Variants in KLHL1 observed in about 807,000 individuals in gnomAD.
KLHL1 encodes the protein kelch-like protein 1.
In KLHL1, 47 loss-of-function variants were observed where a neutral mutation model predicts 77.7. The observed-to-expected ratio is 0.60, with a 90% CI of 0.48 to 0.77. KLHL1 has a LOEUF of 0.77. Among genes scored for constraint, KLHL1 ranks in the 30% least tolerant of loss-of-function variants. The pLI, the probability that KLHL1 is intolerant of heterozygous loss-of-function variation, is 0.00. For synonymous variants in KLHL1, 360 were observed against 325.2 expected, an observed-to-expected ratio of 1.11 and a Z score of -1.15; for missense variants, 925 against 910.8, an observed-to-expected ratio of 1.02 and a Z score of -0.20.
chr13:69,817,679 T>C (rs548190121), intron 6 of KLHL1, among the ~76,000 whole-genome samples: 22 of 152,320 alleles, frequency 1.4e-4, no homozygotes, highest in Non-Finnish European at 3.1e-4. Flanking sequence ...AAATATATGC[T>C]AAACACACTC....
intron 6 of KLHL1, among the ~76,000 whole-genome samples, chr13:69,825,113 G>T (rs1166303153): frequency 1.3e-5 from 2 of 152,084 alleles, no homozygotes; most frequent in Non-Finnish European, 2.9e-5. Flanking sequence ...TTAACTGTAT[G>T]ATTGTTTCTC....
At chr13:70,035,884 T>C (rs894179054) in intron 1 of KLHL1, among the ~76,000 whole-genome samples, 6 of 152,004 alleles carry the variant, frequency 3.9e-5, no homozygotes, top group Admixed American at 6.6e-5. Flanking sequence ...TCTATAGATG[T>C]AGAAATAAAA....
intron 7 of KLHL1, among the ~76,000 whole-genome samples, chr13:69,766,546 G>A (rs1875313242): frequency 6.6e-6 from 1 of 151,518 alleles, no homozygotes; most frequent in African/African-American, 2.4e-5. Flanking sequence ...AAATAATAAT[G>A]ATACTTCAGT....
chr13:69,719,038 C>A (rs1265363846), intron 9 of KLHL1, among the ~76,000 whole-genome samples: 1 of 151,936 alleles, frequency 6.6e-6, no homozygotes, highest in East Asian at 1.9e-4. Flanking sequence ...CTCAAAACTT[C>A]ATTTTAATGT....
chr13:69,932,406 T>C (rs1883030934), intron 4 of KLHL1, among the ~76,000 whole-genome samples: 1 of 151,844 alleles, frequency 6.6e-6, no homozygotes, highest in African/African-American at 2.4e-5. Flanking sequence ...TTCTTCCTTC[T>C]GACATATCAT....
chr13:69,760,828 A>T (rs560196725), intron 7 of KLHL1, among the ~76,000 whole-genome samples: 1 of 152,298 alleles, frequency 6.6e-6, no homozygotes, highest in South Asian at 2.1e-4. Flanking sequence ...TGCACTTTTT[A>T]AAATACAATA....
chr13:70,070,018 AT>A (rs1258331830), intron 1 of KLHL1, among the ~76,000 whole-genome samples: 1 of 151,874 alleles, frequency 6.6e-6, no homozygotes, highest in African/African-American at 2.4e-5. Flanking sequence ...AACACAAAAA[AT>A]TAGCTGGGTG....
intron 7 of KLHL1, among the ~76,000 whole-genome samples, chr13:69,755,051 A>C (rs1216569090): frequency 2.0e-5 from 3 of 152,068 alleles, no homozygotes; most frequent in Non-Finnish European, 2.9e-5. Context: ...TATGTCCTCC[A>C]AATCTTATGT....
chr13:69,709,056 G>C (rs973978943), intron 9 of KLHL1, among the ~76,000 whole-genome samples: 2 of 152,032 alleles, frequency 1.3e-5, no homozygotes, highest in Non-Finnish European at 2.9e-5. Context: ...TGCACACTGT[G>C]GTTGGGGGGT....
intron 6 of KLHL1, among the ~76,000 whole-genome samples, chr13:69,813,800 A>G (rs1260308980): frequency 6.6e-6 from 1 of 152,238 alleles, no homozygotes; most frequent in Non-Finnish European, 1.5e-5. Context: ...AAGAATCAAT[A>G]TCATTAAAAT....
rs1465947263 is a variant in KLHL1 at position 69,850,625 on chromosome 13, T to C, written c.1228-11463A>G. Among the ~76,000 whole-genome samples, 5 of 151,806 alleles carry C rather than the reference T, an allele frequency of 3.3e-5. 1 individual carries two copies. Among genetic ancestry groups the C allele is most frequent in the South Asian group, 4.1e-4 (2 of 4,832 alleles). ...CACTTTTCCAAATTTTTGAGAAAGATCCATCACTTAAATTCTTATCTTTGA... is the reference window on the plus strand; with the variant it reads ...CACTTTTCCAAATTTTTGAGAAAGACCCATCACTTAAATTCTTATCTTTGA... On this transcript the variant is annotated intron_variant, in intron 5 of 10. Coordinates refer to ENST00000377844, the MANE Select transcript of KLHL1 (RefSeq NM_020866.3).
chr13:70,027,063 G>A (rs1279268697), intron 1 of KLHL1, among the ~76,000 whole-genome samples: 3 of 152,020 alleles, frequency 2.0e-5, no homozygotes, highest in Admixed American at 2.0e-4. Context: ...AGTTTAGAGT[G>A]TAGTAAAGAT....
chr13:69,931,993 T>C (rs781490542), intron 4 of KLHL1, among the ~76,000 whole-genome samples: 5 of 151,790 alleles, frequency 3.3e-5, no homozygotes, highest in Non-Finnish European at 7.4e-5. Flanking sequence ...AGAGAAAATA[T>C]TTTACTACAA....
At chr13:70,092,237 G>C (rs1449752256) in intron 1 of KLHL1, among the ~76,000 whole-genome samples, 2 of 152,110 alleles carry the variant, frequency 1.3e-5, no homozygotes, top group East Asian at 3.9e-4. Flanking sequence ...TAGTAACTGG[G>C]TATGTAGCAA....
At position 69,796,781 on chromosome 13, in the gene KLHL1, T is replaced by C. The variant is rs768724578; in HGVS notation, c.1596A>G (p.Thr532=). 1 of 1,614,184 alleles carries C rather than the reference T, an allele frequency of 6.2e-7. No individual in the cohort carries two copies. The highest frequency in any genetic ancestry group is 1.1e-5 in the South Asian group (1 of 91,090). The part of the protein sequence containing the change: ...TVECYNPKTK[T]WTVLPPMSTH... ...TTGACATTGGTGGTAAGACAGTCCATGTCTTGGTTTTGGGATTGTAACATT... is the reference window on the plus strand; with the variant it reads ...TTGACATTGGTGGTAAGACAGTCCACGTCTTGGTTTTGGGATTGTAACATT... The change falls in exon 7 of 11, where the codon ACA becomes ACG. Residue 532 remains threonine, a synonymous_variant. Transcript: ENST00000377844.
chr13:69,809,860 T>G (rs1486257478), intron 6 of KLHL1, among the ~76,000 whole-genome samples: 1 of 150,510 alleles, frequency 6.6e-6, no homozygotes, highest in East Asian at 2.0e-4. Flanking sequence ...TAAAGAAAGG[T>G]GTACTATGCA....
intron 1 of KLHL1, among the ~76,000 whole-genome samples, chr13:70,034,671 G>T (rs1379263016): frequency 6.6e-6 from 1 of 152,080 alleles, no homozygotes; most frequent in Admixed American, 6.6e-5. Flanking sequence ...TGTGTAGAGG[G>T]GAAGAGGTGC....
At chr13:70,085,639 A>G (rs199751448) in intron 1 of KLHL1, among the ~76,000 whole-genome samples, 2 of 152,026 alleles carry the variant, frequency 1.3e-5, no homozygotes, top group East Asian at 3.9e-4. Context: ...CGAGGCTGGA[A>G]GATCACCTGA....
chr13:70,090,219 C>G (rs1278614385), intron 1 of KLHL1, among the ~76,000 whole-genome samples: 2 of 152,016 alleles, frequency 1.3e-5, no homozygotes, highest in Non-Finnish European at 1.5e-5. Flanking sequence ...ACATATCAAA[C>G]AGTAACTAAT....
Sources: gnomAD v4.1 joint callset for allele counts (sites outside exome capture counted in the v4.1 genomes callset) on GRCh38, gnomAD v4.1.1 for gene constraint, MANE v1.5 for transcripts, NCBI Gene and HGNC (gene_info 2026-07-23, HGNC 2026-07-21) for gene names.